ROBO2: variants seen among roughly 807,000 people sequenced by gnomAD.
ROBO2 encodes roundabout homolog 2.
ROBO2 carries 53 observed loss-of-function variants against 160.8 expected under a neutral mutation model. The ratio of observed to expected loss-of-function variants is 0.33; its 90% CI spans 0.26 to 0.41. The LOEUF is 0.41. Among genes scored for constraint, ROBO2 ranks in the 10% least tolerant of loss-of-function variants. ROBO2 has a pLI of 1.00. For missense variants in ROBO2, 1,577 were observed against 1,722.4 expected, an observed-to-expected ratio of 0.92 and a Z score of 1.49; for synonymous variants, 664 against 611.7, an observed-to-expected ratio of 1.09 and a Z score of -1.26.
At chr3:77,563,310 T>C in exon 11 of ROBO2, 1 of 1,613,510 alleles carries the variant, frequency 6.2e-7, no homozygotes, top group Non-Finnish European at 8.5e-7. Context: ...AGCAAGTGCA[T>C]ATATCATTGA....
chr3:77,324,215 A>C (rs2065119039), intron 2 of ROBO2, among the ~76,000 whole-genome samples: 1 of 152,170 alleles, frequency 6.6e-6, no homozygotes, highest in Non-Finnish European at 1.5e-5. Flanking sequence ...CAGTTACTGC[A>C]GTATGTTGAT....
At chr3:76,272,284 T>C (rs1177491581) in intron 2 of ROBO2, among the ~76,000 whole-genome samples, 1 of 152,122 alleles carries the variant, frequency 6.6e-6, no homozygotes, top group Non-Finnish European at 1.5e-5. Flanking sequence ...AATTCATAGC[T>C]TATATAATAA....
intron 2 of ROBO2, among the ~76,000 whole-genome samples, chr3:77,447,759 G>A (rs781673795): frequency 2.0e-5 from 3 of 152,074 alleles, no homozygotes; most frequent in Non-Finnish European, 4.4e-5. Context: ...AAAAGTTCTA[G>A]TGCACAACAC....
chr3:77,641,821 T>C (rs2095354973), intron 24 of ROBO2, among the ~76,000 whole-genome samples: 1 of 152,128 alleles, frequency 6.6e-6, no homozygotes, highest in Non-Finnish European at 1.5e-5. Flanking sequence ...AATATAAAGG[T>C]ATTATGATCT....
chr3:76,769,601 G>A (rs2061769784), intron 2 of ROBO2, among the ~76,000 whole-genome samples: 1 of 151,512 alleles, frequency 6.6e-6, no homozygotes, highest in South Asian at 2.1e-4. Flanking sequence ...ATTTTAGTCA[G>A]CAATCATTTG....
intron 2 of ROBO2, among the ~76,000 whole-genome samples, chr3:76,380,985 A>G (rs1024641580): frequency 1.3e-5 from 2 of 151,934 alleles, no homozygotes; most frequent in African/African-American, 4.8e-5. Flanking sequence ...ACTGTAACAC[A>G]AAAGTAGAGT....
At chr3:76,887,193 CAT>C (rs2073963855) in intron 2 of ROBO2, among the ~76,000 whole-genome samples, 4 of 120,442 alleles carry the variant, frequency 3.3e-5, no homozygotes, top group East Asian at 2.6e-4. Context: ...CTTCAGGAAG[CAT>C]TTTTTTTTTT....
In ROBO2 at chr3:76,069,620, CA is replaced by C. The variant is rs2068378439; in HGVS notation, c.109+132019del. Among the ~76,000 whole-genome samples the C allele has an allele frequency of 3.3e-5, 3 of 89,580 alleles. No homozygotes were observed. In the South Asian group the frequency reaches 1.2e-3, roughly 34 times the overall value. The allele number at this position is 89,580 out of a possible 152,430, so 58.8% of individuals were successfully genotyped here. On this transcript the variant is annotated intron_variant, in intron 2 of 26. Coordinates refer to the ROBO2 transcript ENST00000487694. ...TATGTAATCTCATTAAAAATACCTA[CA>C]CTTTTTTTTTAATGAAAATTAGAAA... is the stretch of plus-strand genomic sequence containing the variant.
chr3:77,596,810 A>G, intron 19 of ROBO2, 60 bp downstream of exon 20: 1 of 1,566,264 alleles, frequency 6.4e-7, no homozygotes, highest in Non-Finnish European at 8.7e-7. Flanking sequence ...TTTTTTTTTG[A>G]CCTTCCTGGA....
rs80073408 is a variant in ROBO2, at chr3:77,028,766, C to G, written c.110-69248C>G. ...CATCTCATTTACCTTTTTCCTGGTCCTATGCACACAGGACTTTTCACTTTC... is the reference window on the plus strand; with the variant it reads ...CATCTCATTTACCTTTTTCCTGGTCGTATGCACACAGGACTTTTCACTTTC... On this transcript the variant is annotated intron_variant, in intron 2 of 26. Coordinates refer to the ROBO2 transcript ENST00000487694. Among the ~76,000 whole-genome samples, 794 of 152,240 alleles carry G rather than the reference C, an allele frequency of 5.2e-3. 7 individuals carry two copies. Among genetic ancestry groups the G allele is most frequent in the Non-Finnish European group, 8.0e-3 (542 of 68,006 alleles).
At chr3:77,011,040 T>G (rs2061863736) in intron 2 of ROBO2, among the ~76,000 whole-genome samples, 2 of 126,938 alleles carry the variant, frequency 1.6e-5, no homozygotes, top group Admixed American at 1.5e-4. Flanking sequence ...TTCTTTCTTT[T>G]CTTTTCTTTC....
intron 2 of ROBO2, among the ~76,000 whole-genome samples, chr3:76,603,345 A>ATATAT (rs1406880243): frequency 3.7e-4 from 23 of 62,324 alleles, no homozygotes; most frequent in African/African-American, 3.7e-4. Context: ...AAAAAAAAAA[A>ATATAT]AAAAAAATAT....
chr3:77,358,124 G>T (rs918502411), intron 2 of ROBO2, among the ~76,000 whole-genome samples: 4 of 152,168 alleles, frequency 2.6e-5, no homozygotes, highest in African/African-American at 4.8e-5. Flanking sequence ...AGTTTTTGTT[G>T]CAAACTGTCA....
intron 9 of ROBO2, 106 bp downstream of exon 10, chr3:77,558,255 G>A: frequency 1.1e-6 from 1 of 901,740 alleles, no homozygotes; most frequent in South Asian, 1.4e-5. Flanking sequence ...TATAATTGCT[G>A]CACGTTTAAA....
chr3:76,922,844 C>T (rs2076752745), intron 2 of ROBO2, among the ~76,000 whole-genome samples: 1 of 152,186 alleles, frequency 6.6e-6, no homozygotes, highest in South Asian at 2.1e-4. Context: ...CCTTAGAAGC[C>T]ATGTATTGTT....
chr3:76,652,679 T>C (rs1215000594), intron 2 of ROBO2, among the ~76,000 whole-genome samples: 1 of 152,064 alleles, frequency 6.6e-6, no homozygotes. Context: ...TCTGCAAACA[T>C]TGAAACAGAG....
chr3:77,264,317 AT>A (rs1305755695), intron 2 of ROBO2, among the ~76,000 whole-genome samples: 2 of 152,134 alleles, frequency 1.3e-5, no homozygotes, highest in African/African-American at 4.8e-5. Context: ...TGTTGGTCTT[AT>A]TTTTTTAACA....
In ROBO2 at chr3:77,474,164, T is replaced by G. The variant is rs1479302041; in HGVS notation, c.389-3250T>G. Among the ~76,000 whole-genome samples the G allele has an allele frequency of 2.0e-5, 3 of 152,176 alleles. No individual in the cohort carries two copies. The East Asian group carries it at 5.8e-4, about 29-fold the overall frequency. ...CGTCCCCTTGTGAGCCGAAAAGACT[T>G]AGTCCCAGGCTATTGTATGTTCTTT... is the stretch of plus-strand genomic sequence containing the variant. On this transcript the variant is annotated intron_variant, in intron 2 of 25. Coordinates refer to ENST00000461745, the Ensembl canonical transcript of ROBO2.
chr3:76,380,918 C>T lies in ROBO2; in HGVS notation c.109+443316C>T, dbSNP rs191146953. On this transcript the variant is annotated intron_variant, in intron 2 of 26. Coordinates refer to the ROBO2 transcript ENST00000487694. The stretch of plus-strand genomic sequence containing the variant: ...GAAATAAATGATTTTTTCATTGATC[C>T]AGGCAGTATTTTTGATATTCTCCTG... Among the ~76,000 whole-genome samples, 725 of 151,598 alleles carry T rather than the reference C, an allele frequency of 4.8e-3. 6 individuals are homozygous for T. Among genetic ancestry groups the T allele is most frequent in the Admixed American group, 0.026 (394 of 15,218 alleles).
Sources: gnomAD v4.1 joint callset for allele counts (sites outside exome capture counted in the v4.1 genomes callset) on GRCh38, gnomAD v4.1.1 for gene constraint, MANE v1.5 for transcripts, NCBI Gene and HGNC (gene_info 2026-07-23, HGNC 2026-07-21) for gene names.